Variants in PTPRD observed in about 807,000 individuals in gnomAD.
The protein encoded by PTPRD is protein tyrosine phosphatase receptor type D, also known as receptor-type tyrosine-protein phosphatase delta.
In PTPRD, 34 loss-of-function variants were observed where a neutral mutation model predicts 214.5. The observed-to-expected ratio is 0.16, with a 90% CI of 0.12 to 0.21. PTPRD has a LOEUF of 0.21. Ranked by LOEUF, PTPRD falls within the 10% of genes least tolerant of loss-of-function variation. PTPRD has a pLI of 1.00. For missense variants in PTPRD, 2,545 were observed against 2,398.7 expected, an observed-to-expected ratio of 1.06 and a Z score of -1.27; for synonymous variants, 1,128 against 845.7, an observed-to-expected ratio of 1.33 and a Z score of -5.79.
intron 9 of PTPRD, among the ~76,000 whole-genome samples, chr9:9,345,626 G>A (rs995787254): frequency 6.6e-6 from 1 of 151,980 alleles, no homozygotes; most frequent in African/African-American, 2.4e-5. Flanking sequence ...ATCCCATATG[G>A]CTAGATTAGC....
rs182610765 is a variant in PTPRD, at chr9:8,647,059, G to A, written c.65-10215C>T. Among the ~76,000 whole-genome samples the A allele has an allele frequency of 5.9e-5, 9 of 152,282 alleles. No homozygotes were observed. The South Asian group carries it at 8.3e-4, about 14-fold the overall frequency. ...ACATTGATATGACATAGTGAGAGAC[G>A]AATAGATCCATGCGAAGCCCTAAGC... is the stretch of plus-strand genomic sequence containing the variant. On this transcript the variant is annotated intron_variant, in intron 12 of 45. Coordinates refer to ENST00000381196, the MANE Select transcript of PTPRD (RefSeq NM_002839.4).
At chr9:8,528,285 G>T in intron 15 of PTPRD, 1 of 434,080 alleles carries the variant, frequency 2.3e-6, no homozygotes, top group Non-Finnish European at 4.0e-6. Flanking sequence ...AGAAAGAGGA[G>T]AAAATGGATC....
chr9:10,243,965 C>T (rs151230777), intron 3 of PTPRD, among the ~76,000 whole-genome samples: 328 of 152,076 alleles, frequency 2.2e-3, no homozygotes, highest in African/African-American at 7.6e-3. Flanking sequence ...GGTAAATTAA[C>T]CTCTTAACAG....
chr9:9,116,706 T>C (rs890343086), intron 10 of PTPRD, among the ~76,000 whole-genome samples: 1 of 151,316 alleles, frequency 6.6e-6, no homozygotes, highest in Non-Finnish European at 1.5e-5. Flanking sequence ...GGGAAAGAGA[T>C]GGTTATTTTC....
At chr9:9,509,745 C>G (rs769235611) in intron 8 of PTPRD, among the ~76,000 whole-genome samples, 1 of 151,470 alleles carries the variant, frequency 6.6e-6, no homozygotes, top group South Asian at 2.1e-4. Flanking sequence ...TTACACCAAA[C>G]TCCTGGCTTT....
chr9:10,607,898 T>C (rs1198562496), intron 2 of PTPRD, among the ~76,000 whole-genome samples: 2 of 151,962 alleles, frequency 1.3e-5, no homozygotes, highest in Non-Finnish European at 2.9e-5. Flanking sequence ...ACTATTTTAT[T>C]GATAATGTAG....
chr9:10,131,879 G>A (rs758960545), intron 3 of PTPRD, among the ~76,000 whole-genome samples: 4 of 151,976 alleles, frequency 2.6e-5, no homozygotes, highest in African/African-American at 9.7e-5. Flanking sequence ...ATCAAAATAC[G>A]TGTAATTACA....
At chr9:10,343,564 C>T (rs2096988599) in intron 2 of PTPRD, among the ~76,000 whole-genome samples, 1 of 152,020 alleles carries the variant, frequency 6.6e-6, no homozygotes, top group Admixed American at 6.6e-5. Context: ...ATGTCTTCCA[C>T]ATGATTGAAC....
intron 10 of PTPRD, among the ~76,000 whole-genome samples, chr9:9,094,687 T>A (rs576946239): frequency 1.3e-5 from 2 of 152,064 alleles, no homozygotes; most frequent in East Asian, 3.9e-4. Context: ...AAAACTAAAA[T>A]AAAGAAAGAA....
intron 4 of PTPRD, among the ~76,000 whole-genome samples, chr9:10,019,813 G>A (rs971024656): frequency 6.6e-6 from 1 of 152,046 alleles, no homozygotes; most frequent in East Asian, 1.9e-4. Flanking sequence ...AGCATTAGGA[G>A]TTATACCTAA....
intron 11 of PTPRD, among the ~76,000 whole-genome samples, chr9:8,902,992 T>C (rs1054115439): frequency 1.3e-5 from 2 of 152,164 alleles, no homozygotes; most frequent in Non-Finnish European, 1.5e-5. Context: ...GGAAAATGAA[T>C]TTAGAATGAA....
chr9:9,289,285 T>C (rs1455107268), intron 9 of PTPRD, among the ~76,000 whole-genome samples: 1 of 151,920 alleles, frequency 6.6e-6, no homozygotes, highest in Non-Finnish European at 1.5e-5. Flanking sequence ...GGTTCATATC[T>C]GAAGTCAAGC....
intron 5 of PTPRD, among the ~76,000 whole-genome samples, chr9:9,878,344 G>A (rs962391300): frequency 6.6e-6 from 1 of 152,092 alleles, no homozygotes; most frequent in African/African-American, 2.4e-5. Flanking sequence ...GTGGAAGTGT[G>A]AGTGGACCTA....
intron 10 of PTPRD, among the ~76,000 whole-genome samples, chr9:9,097,619 C>T (rs530997439): frequency 6.6e-6 from 1 of 152,024 alleles, no homozygotes; most frequent in South Asian, 2.1e-4. Flanking sequence ...ACCGTGTCAG[C>T]CAGGATGGTC....
At chr9:10,417,182 T>C (rs1187329884) in intron 2 of PTPRD, among the ~76,000 whole-genome samples, 1 of 151,874 alleles carries the variant, frequency 6.6e-6, no homozygotes, top group Non-Finnish European at 1.5e-5. Flanking sequence ...TAGGAAGGGA[T>C]GATATTGAAG....
chr9:10,422,176 C>T (rs544259629), intron 2 of PTPRD, among the ~76,000 whole-genome samples: 2 of 152,056 alleles, frequency 1.3e-5, no homozygotes, highest in East Asian at 1.9e-4. Flanking sequence ...ACCATCTGAT[C>T]GTTGACAAAC....
chr9:8,667,478 T>G (rs944733847), intron 12 of PTPRD, among the ~76,000 whole-genome samples: 4 of 152,132 alleles, frequency 2.6e-5, no homozygotes, highest in African/African-American at 9.7e-5. Flanking sequence ...TGTTTCAAAA[T>G]CCAAAACTTT....
chr9:8,615,696 C>G (rs776292955), intron 14 of PTPRD, among the ~76,000 whole-genome samples: 4 of 151,778 alleles, frequency 2.6e-5, no homozygotes, highest in Non-Finnish European at 4.4e-5. Flanking sequence ...TATTTAATAG[C>G]TGTATTCTAA....
chr9:9,686,728 T>C (rs902874059), intron 7 of PTPRD, among the ~76,000 whole-genome samples: 1 of 151,800 alleles, frequency 6.6e-6, no homozygotes, highest in Non-Finnish European at 1.5e-5. Context: ...GCATATAACA[T>C]ATACTTACAT....
Sources: allele counts gnomAD v4.1 joint callset (sites outside exome capture counted in the v4.1 genomes callset), GRCh38; gene constraint gnomAD v4.1.1; transcripts MANE v1.5; gene names NCBI Gene and HGNC (gene_info 2026-07-23, HGNC 2026-07-21).